RMND1: variants seen among roughly 807,000 people sequenced by gnomAD.
The protein encoded by RMND1 is required for meiotic nuclear division protein 1 homolog.
A neutral mutation model predicts 54.0 loss-of-function variants in RMND1; 41 were observed. That is an observed-to-expected ratio of 0.76 (90% CI 0.59 to 0.98). The LOEUF (loss-of-function observed/expected upper bound fraction) is 0.98. Ranked by LOEUF, RMND1 falls within the 50% of genes least tolerant of loss-of-function variation. The pLI is 0.00. For synonymous variants in RMND1, 183 were observed against 181.7 expected, an observed-to-expected ratio of 1.01 and a Z score of -0.06; for missense variants, 457 against 532.0, an observed-to-expected ratio of 0.86 and a Z score of 1.39.
chr6:151,421,263 C>T lies in RMND1; in HGVS notation c.1061G>A (p.Gly354Asp). The part of the protein sequence containing the change: ...LSHEEVMQKI[G>D]ELFALRHRIN... ...CTTTTACCTTAGAGCAAAGAGTTCA[C>T]CGATTTTCTGCATAACTTCTTCATG... Residue 354 changes from glycine (G) to aspartate (D), a missense_variant, in exon 9 of 12, where the codon GGT (glycine) becomes GAT (aspartate). By Grantham distance (94) the Gly-to-Asp change is moderately conservative (BLOSUM62 -1). Transcript: ENST00000444024. The T allele has an allele frequency of 6.2e-7, 1 of 1,610,846 alleles. No individual in the cohort carries two copies.
intron 9 of RMND1, among the ~76,000 whole-genome samples, chr6:151,419,770 C>G (rs926464325): frequency 2.6e-5 from 4 of 151,564 alleles, no homozygotes; most frequent in Non-Finnish European, 5.9e-5. Flanking sequence ...GGTAGGCTCT[C>G]TTATGCTACC....
chr6:151,441,368 T>C (rs1218316328), intron 2 of RMND1, among the ~76,000 whole-genome samples: 1 of 151,874 alleles, frequency 6.6e-6, no homozygotes, highest in Non-Finnish European at 1.5e-5. Flanking sequence ...GCATTTTTGG[T>C]TGTAGTATTT....
chr6:151,422,326 T>C (rs1053636603), intron 8 of RMND1, among the ~76,000 whole-genome samples: 2 of 152,192 alleles, frequency 1.3e-5, no homozygotes, highest in Non-Finnish European at 2.9e-5. Context: ...CTAGAGATGG[T>C]TGAAAGTATA....
chr6:151,423,457 G>A (rs1780209416), intron 7 of RMND1, 68 bp downstream of exon 7: 2 of 971,130 alleles, frequency 2.1e-6, no homozygotes, highest in East Asian at 4.8e-5. Context: ...CCAAAATCGT[G>A]ACTATTTAAA....
chr6:151,439,888 G>A (rs374481660), intron 2 of RMND1, among the ~76,000 whole-genome samples: 5 of 151,990 alleles, frequency 3.3e-5, no homozygotes, highest in African/African-American at 4.8e-5. Flanking sequence ...TCAAACTCCC[G>A]ACCTCATCTG....
intron 2 of RMND1, among the ~76,000 whole-genome samples, chr6:151,440,753 TTTTG>T (rs1231212874): frequency 6.6e-6 from 1 of 152,220 alleles, no homozygotes; most frequent in Non-Finnish European, 1.5e-5. Context: ...TTTGTTTTGG[TTTTG>T]TTTTCTTTGC....
Position 151,430,233 on chromosome 6 carries a change from G to C in RMND1, c.690-56C>G, listed in dbSNP as rs543158885. 4 of 1,247,902 alleles carry C rather than the reference G, an allele frequency of 3.2e-6. No homozygotes were observed. The Admixed American group carries it at 7.5e-5, about 23-fold the overall frequency. 77.3% of individuals were successfully genotyped at this position (1,247,902 alleles called of 1,614,324 possible). ...GATACAGATGGAATACATTCTTTAG[G>C]GTCGTATATAAAACCATGTAACTTC... On this transcript the variant is annotated intron_variant, in intron 4 of 11. Coordinates refer to ENST00000444024, the MANE Select transcript of RMND1 (RefSeq NM_017909.4).
At chr6:151,450,043 G>A (rs181548756) in intron 1 of RMND1, among the ~76,000 whole-genome samples, 3,200 of 152,242 alleles carry the variant, frequency 0.021, 111 homozygotes, top group African/African-American at 0.073. Flanking sequence ...CCAAAGTGCC[G>A]AGATTGCAGC....
chr6:151,405,899 A>G, intron 10 of RMND1, 63 bp from the exon 11 acceptor site: 2 of 835,658 alleles, frequency 2.4e-6, no homozygotes, highest in South Asian at 2.9e-5. Flanking sequence ...ACACATAAAA[A>G]TTCTATAGCT....
chr6:151,441,870 A>C (rs1156696756), intron 2 of RMND1, among the ~76,000 whole-genome samples: 1 of 152,200 alleles, frequency 6.6e-6, no homozygotes, highest in Non-Finnish European at 1.5e-5. Flanking sequence ...TCTAGCAAAT[A>C]ATCAAACCTG....
intron 1 of RMND1, among the ~76,000 whole-genome samples, chr6:151,448,005 G>A (rs927272947): frequency 2.6e-5 from 4 of 151,730 alleles, no homozygotes; most frequent in African/African-American, 9.7e-5. Flanking sequence ...TAGTAGAGAC[G>A]GGGTTTCATT....
chr6:151,433,330 T>C, intron 3 of RMND1, 100 bp from the exon 4 acceptor site: 1 of 685,864 alleles, frequency 1.5e-6, no homozygotes, highest in Non-Finnish European at 2.5e-6. Context: ...GATCATTTCT[T>C]TATATACCAT....
chr6:151,442,255 T>C (rs751598112), intron 2 of RMND1, among the ~76,000 whole-genome samples: 1 of 151,266 alleles, frequency 6.6e-6, no homozygotes, highest in Non-Finnish European at 1.5e-5. Flanking sequence ...TCATTAAACA[T>C]AGTACATATA....
At chr6:151,420,494 G>A (rs529801111) in intron 9 of RMND1, among the ~76,000 whole-genome samples, 29 of 152,206 alleles carry the variant, frequency 1.9e-4, no homozygotes, top group African/African-American at 6.5e-4. Context: ...ACCAACATCC[G>A]GGATGTTTCA....
intron 5 of RMND1, among the ~76,000 whole-genome samples, chr6:151,429,189 T>C (rs943755793): frequency 6.6e-6 from 1 of 151,926 alleles, no homozygotes; most frequent in African/African-American, 2.4e-5. Flanking sequence ...TGGTCTGACC[T>C]TGGCTCACTG....
At chr6:151,417,812 T>A (rs976301257) in intron 9 of RMND1, among the ~76,000 whole-genome samples, 2 of 140,776 alleles carry the variant, frequency 1.4e-5, no homozygotes. Context: ...TTGTTTTCAA[T>A]TTTTTTTTTT....
chr6:151,435,893 T>C (rs905421991), intron 3 of RMND1, among the ~76,000 whole-genome samples: 1 of 149,104 alleles, frequency 6.7e-6, no homozygotes, highest in Non-Finnish European at 1.5e-5. Flanking sequence ...TTAGATGAGG[T>C]TGGGAGTTCG....
At chr6:151,441,374 T>C (rs1780772898) in intron 2 of RMND1, among the ~76,000 whole-genome samples, 1 of 152,176 alleles carries the variant, frequency 6.6e-6, no homozygotes, top group Non-Finnish European at 1.5e-5. Context: ...TTGGTTGTAG[T>C]ATTTGCTCTT....
chr6:151,426,716 T>A (rs1209914897), intron 6 of RMND1, among the ~76,000 whole-genome samples: 1 of 152,184 alleles, frequency 6.6e-6, no homozygotes, highest in Non-Finnish European at 1.5e-5. Context: ...AAAATTATGT[T>A]TATCTTCTAA....
Sources: allele counts gnomAD v4.1 joint callset (sites outside exome capture counted in the v4.1 genomes callset), GRCh38; gene constraint gnomAD v4.1.1; transcripts MANE v1.5; gene names NCBI Gene and HGNC (gene_info 2026-07-23, HGNC 2026-07-21).